The following AHCYL2 variants were observed in gnomAD, a reference collection of about 807,000 sequenced individuals.
The protein encoded by AHCYL2 is S-adenosylhomocysteine hydrolase-like protein 2.
In AHCYL2, 28 loss-of-function variants were observed where a neutral mutation model predicts 81.4. The ratio of observed to expected loss-of-function variants is 0.34; its 90% CI spans 0.25 to 0.47. The LOEUF is 0.47. Among genes scored for constraint, AHCYL2 ranks in the 20% least tolerant of loss-of-function variants. The probability of loss-of-function intolerance (pLI) is 1.00; values close to 1 mark genes in which losing one functional copy is unlikely to be tolerated. For synonymous variants in AHCYL2, 272 were observed against 290.2 expected (o/e 0.94, Z 0.64); for missense variants, 551 against 785.1 (o/e 0.70, Z 3.56).
chr7:129,231,596 A>G (rs562651303), intron 1 of AHCYL2, among the ~76,000 whole-genome samples: 3 of 152,330 alleles, frequency 2.0e-5, no homozygotes, highest in Admixed American at 1.3e-4. Flanking sequence ...GCCCTGATCC[A>G]CTGCCCTGCT....
chr7:129,242,586 G>T (rs1794901901), intron 1 of AHCYL2, among the ~76,000 whole-genome samples: 1 of 152,160 alleles, frequency 6.6e-6, no homozygotes, highest in East Asian at 1.9e-4. Context: ...GTGTGGTGGT[G>T]TGCGCCTGTA....
chr7:129,253,600 G>A (rs1795312951), intron 1 of AHCYL2, among the ~76,000 whole-genome samples: 1 of 152,118 alleles, frequency 6.6e-6, no homozygotes, highest in Non-Finnish European at 1.5e-5. Context: ...GAGTTATAAG[G>A]TTGTAATTAA....
chr7:129,366,636 C>T (rs1393303338), intron 1 of AHCYL2, among the ~76,000 whole-genome samples: 7 of 151,988 alleles, frequency 4.6e-5, no homozygotes, highest in African/African-American at 1.5e-4. Flanking sequence ...GTTAGCCGGG[C>T]GTGGTGGTGC....
At chr7:129,341,737 C>T (rs1355557863) in intron 1 of AHCYL2, among the ~76,000 whole-genome samples, 2 of 152,100 alleles carry the variant, frequency 1.3e-5, no homozygotes, top group Admixed American at 6.6e-5. Flanking sequence ...GTCCCCAAAG[C>T]TTTCTTGTCG....
At chr7:129,261,235 T>C (rs888917593) in intron 1 of AHCYL2, among the ~76,000 whole-genome samples, 37 of 152,372 alleles carry the variant, frequency 2.4e-4, no homozygotes, top group Admixed American at 1.5e-3. Context: ...ATATCTCTTA[T>C]ATCTTTAATG....
chr7:129,389,583 AT>A (rs1399502005), intron 3 of AHCYL2, 50 bp from the exon 4 acceptor site: 1 of 1,430,416 alleles, frequency 7.0e-7, no homozygotes, highest in East Asian at 2.3e-5. Context: ...TTGTTCTTTT[AT>A]CTCTTATTCC....
intron 1 of AHCYL2, among the ~76,000 whole-genome samples, chr7:129,309,503 G>A (rs1184577577): frequency 6.6e-6 from 1 of 152,136 alleles, no homozygotes; most frequent in African/African-American, 2.4e-5. Context: ...TCACACCACT[G>A]CACTCCAGCC....
intron 1 of AHCYL2, among the ~76,000 whole-genome samples, chr7:129,273,656 C>T (rs943883389): frequency 2.0e-5 from 3 of 152,092 alleles, no homozygotes; most frequent in African/African-American, 7.2e-5. Flanking sequence ...GACAATGCCT[C>T]ACAAAACCTT....
At chr7:129,311,265 G>A (rs1356748575) in intron 1 of AHCYL2, among the ~76,000 whole-genome samples, 1 of 152,198 alleles carries the variant, frequency 6.6e-6, no homozygotes. Flanking sequence ...TGAATAGGAC[G>A]ATTGGCCTTA....
chr7:129,294,289 G>A (rs1383351242), intron 1 of AHCYL2, among the ~76,000 whole-genome samples: 6 of 152,040 alleles, frequency 3.9e-5, no homozygotes, highest in South Asian at 2.1e-4. Context: ...CATGTCTGAC[G>A]GAAGTGCCAG....
At chr7:129,382,680 C>T (rs1228291771) in intron 2 of AHCYL2, among the ~76,000 whole-genome samples, 2 of 151,950 alleles carry the variant, frequency 1.3e-5, no homozygotes, top group Admixed American at 6.6e-5. Context: ...CTGAGGTCGG[C>T]GAATCACCTG....
chr7:129,368,394 C>T lies in AHCYL2; in HGVS notation c.364-11244C>T. The T allele has an allele frequency of 6.4e-7, 1 of 1,569,772 alleles. No individual in the cohort carries two copies. The highest frequency in any genetic ancestry group is 1.2e-5 in the South Asian group (1 of 84,718). On this transcript the variant is annotated intron_variant, in intron 1 of 16. Coordinates refer to ENST00000325006, the MANE Select transcript of AHCYL2 (RefSeq NM_015328.4). This position sits in a 1 kb window ranked among gnomAD's most constrained non-coding sequence, Gnocchi z 4.4. ...TGCTAGCCACTGTGAACTTCTGAAT[C>T]TCACTAGGGTTGGGTCTGCTTTGGG... is the stretch of plus-strand genomic sequence containing the variant.
chr7:129,273,196 C>T (rs1474342323), intron 1 of AHCYL2, among the ~76,000 whole-genome samples: 2 of 152,038 alleles, frequency 1.3e-5, no homozygotes, highest in Admixed American at 6.5e-5. Flanking sequence ...GCCACTGCGC[C>T]TAGCCTGACC....
chr7:129,240,213 C>G (rs554834654), intron 1 of AHCYL2, among the ~76,000 whole-genome samples: 1 of 150,990 alleles, frequency 6.6e-6, no homozygotes, highest in African/African-American at 2.4e-5. Flanking sequence ...AAAAAAAATC[C>G]GCCTCAAAAA....
chr7:129,345,607 C>T (rs959834183), intron 1 of AHCYL2, among the ~76,000 whole-genome samples: 3 of 152,054 alleles, frequency 2.0e-5, no homozygotes, highest in Non-Finnish European at 4.4e-5. Flanking sequence ...TTAGTCTAGA[C>T]CGTTGATGAC....
intron 4 of AHCYL2, 40 bp downstream of exon 4, chr7:129,389,774 A>G (rs1795378295): frequency 1.3e-6 from 2 of 1,537,822 alleles, no homozygotes; most frequent in African/African-American, 1.4e-5. Flanking sequence ...ACAATAGTTA[A>G]TAATAGCCAC....
intron 1 of AHCYL2, among the ~76,000 whole-genome samples, chr7:129,360,600 T>C (rs1247525396): frequency 1.3e-5 from 2 of 152,204 alleles, no homozygotes; most frequent in Non-Finnish European, 2.9e-5. Context: ...TAGAGATCAG[T>C]CTGGGGGATT....
chr7:129,339,916 C>CTTTTT lies in AHCYL2; in HGVS notation c.364-39706_364-39702dup, dbSNP rs774989478. 5.3e-4 allele frequency among the ~76,000 whole-genome samples: 55 copies of CTTTTT among 104,530 alleles called. 1 individual carries two copies. The highest frequency in any genetic ancestry group is 1.6e-3 in the African/African-American group (39 of 25,122). The allele number at this position is 104,530 out of a possible 152,430, so 68.6% of individuals were successfully genotyped here. On this transcript the variant is annotated intron_variant, in intron 1 of 16. Transcript: ENST00000325006. ...GCTCTCTTTTTCCTTTTCCTCTGCT[C>CTTTTT]TTTTTTTTTTTTTTTTTTTTGAGAC...
At chr7:129,413,717 C>A in intron 12 of AHCYL2, 29 bp downstream of exon 12, 1 of 1,581,016 alleles carries the variant, frequency 6.3e-7, no homozygotes, top group Non-Finnish European at 8.7e-7. Context: ...TTATTGGGGG[C>A]TTTTTTCTCT....
Sources: allele counts gnomAD v4.1 joint callset (sites outside exome capture counted in the v4.1 genomes callset), GRCh38; gene constraint gnomAD v4.1.1; non-coding constraint Gnocchi (gnomAD v3.1); transcripts MANE v1.5; gene names NCBI Gene and HGNC (gene_info 2026-07-23, HGNC 2026-07-21).